The following MEGF10 variants were observed in gnomAD, a reference collection of about 807,000 sequenced individuals.
MEGF10 encodes multiple epidermal growth factor-like domains protein 10.
Under a neutral mutation model 147.5 loss-of-function variants are expected in MEGF10, and 86 were observed. The observed-to-expected ratio is 0.58, with a 90% CI of 0.49 to 0.70. MEGF10 has a LOEUF of 0.70. MEGF10 is among the 30% of genes least tolerant of loss of function. The probability of loss-of-function intolerance (pLI) is 0.00; values close to 1 mark genes in which losing one functional copy is unlikely to be tolerated. For synonymous variants in MEGF10, 478 were observed against 525.5 expected, an observed-to-expected ratio of 0.91 and a Z score of 1.24; for missense variants, 1,329 against 1,487.3, an observed-to-expected ratio of 0.89 and a Z score of 1.75.
upstream of MEGF10, among the ~76,000 whole-genome samples, chr5:127,287,071 T>A (rs906293773): frequency 3.3e-5 from 5 of 151,970 alleles, no homozygotes; most frequent in African/African-American, 1.2e-4. Context: ...GAAAAACATT[T>A]GACAAAATTA....
At position 127,396,686 on chromosome 5, in the gene MEGF10, C is replaced by T. The variant is rs761893435; in HGVS notation, c.567C>T (p.Asn189=). 3.3e-5 allele frequency: 53 copies of T among 1,614,002 alleles called. No individual in the cohort carries two copies. Among genetic ancestry groups the T allele is most frequent in the East Asian group, 8.9e-5 (4 of 44,898 alleles). The change falls in exon 6 of 25, where the codon AAC becomes AAT. Residue 189 remains asparagine (N), a synonymous_variant. Coordinates refer to ENST00000503335, the MANE Select transcript of MEGF10 (RefSeq NM_001256545.2). ...EDRCEQGTYG[N]DCHQRCQCQN... ...GCTGTGAGCAGGGCACCTATGGTAA[C>T]GACTGTCATCAGAGATGCCAGTGCC...
intron 1 of MEGF10, among the ~76,000 whole-genome samples, chr5:127,329,848 A>G (rs1761184130): frequency 6.6e-6 from 1 of 152,158 alleles, no homozygotes; most frequent in Non-Finnish European, 1.5e-5. Flanking sequence ...TTTCCTTCTT[A>G]CTAAATTCCA....
intron 5 of MEGF10, among the ~76,000 whole-genome samples, chr5:127,385,254 A>G (rs1763387263): frequency 6.6e-6 from 1 of 152,166 alleles, no homozygotes; most frequent in African/African-American, 2.4e-5. Flanking sequence ...ATATATTGTC[A>G]AGTCAGTATA....
intron 18 of MEGF10, among the ~76,000 whole-genome samples, chr5:127,441,414 A>G (rs896401030): frequency 6.6e-6 from 1 of 152,168 alleles, no homozygotes; most frequent in African/African-American, 2.4e-5. Context: ...CAGACAACAT[A>G]CTGCCTTAAA....
chr5:127,286,916 A>G (rs1306711244), upstream of MEGF10, among the ~76,000 whole-genome samples: 1 of 151,934 alleles, frequency 6.6e-6, no homozygotes, highest in African/African-American at 2.4e-5. Context: ...ATTTTAGCAA[A>G]TCAAATCCAA....
intron 4 of MEGF10, among the ~76,000 whole-genome samples, chr5:127,368,325 A>G (rs1366881328): frequency 6.6e-6 from 1 of 152,182 alleles, no homozygotes; most frequent in Non-Finnish European, 1.5e-5. Context: ...CAGGGTCCCA[A>G]GGTCACCAGT....
At chr5:127,415,253 C>T (rs948380811) in intron 9 of MEGF10, among the ~76,000 whole-genome samples, 11 of 152,076 alleles carry the variant, frequency 7.2e-5, no homozygotes, top group African/African-American at 2.4e-4. Context: ...CTGGTTTAGG[C>T]CTGTTGTCCT....
intron 13 of MEGF10, among the ~76,000 whole-genome samples, chr5:127,427,501 G>T (rs1476990082): frequency 6.6e-6 from 1 of 151,994 alleles, no homozygotes; most frequent in Non-Finnish European, 1.5e-5. Flanking sequence ...GCTCATCTGA[G>T]CCCAGCCAGG....
chr5:127,322,074 C>CAA lies in MEGF10; in HGVS notation c.-18-9205_-18-9204dup, dbSNP rs5871248. On this transcript the variant is annotated intron_variant, in intron 1 of 24. Coordinates refer to ENST00000503335, the MANE Select transcript of MEGF10 (RefSeq NM_001256545.2). ...TCAGCTTCTTCAATTAGCGCTTTTG[C>CAA]AAAAAAAAAAAAATAATAATGCTTT... 5.4e-3 allele frequency among the ~76,000 whole-genome samples: 706 copies of CAA among 131,776 alleles called. 5 individuals carry two copies. The highest frequency in any genetic ancestry group is 0.011 in the African/African-American group (390 of 35,508). 86.5% of individuals were successfully genotyped at this position (131,776 alleles called of 152,430 possible). A position where few individuals can be genotyped will look rare whatever the true frequency, so the allele number is the denominator to read the frequency against.
At chr5:127,406,052 G>A (rs1004780174) in intron 8 of MEGF10, among the ~76,000 whole-genome samples, 4 of 152,064 alleles carry the variant, frequency 2.6e-5, no homozygotes, top group African/African-American at 7.2e-5. Context: ...TTGGGGTAAG[G>A]GAGACACAAG....
At chr5:127,417,971 A>T (rs1376447185) in intron 10 of MEGF10, among the ~76,000 whole-genome samples, 159 bp downstream of exon 10, 3 of 152,242 alleles carry the variant, frequency 2.0e-5, no homozygotes, top group African/African-American at 4.8e-5. Context: ...GCTAATAGAG[A>T]TATAAGGAAT....
the MEGF10 span, among the ~76,000 whole-genome samples, chr5:127,256,375 T>C: frequency 6.6e-6 from 1 of 152,326 alleles, no homozygotes; most frequent in East Asian, 1.9e-4. Flanking sequence ...CATACACAGT[T>C]TTTTACAACA....
At chr5:127,358,006 C>T (rs1057342550) in intron 4 of MEGF10, among the ~76,000 whole-genome samples, 66 of 152,110 alleles carry the variant, frequency 4.3e-4, no homozygotes, top group African/African-American at 1.6e-3. Context: ...GTTTGTGTTC[C>T]CTGGTTTTGG....
At chr5:127,339,698 G>A (rs1459360453) in intron 3 of MEGF10, among the ~76,000 whole-genome samples, 1 of 151,996 alleles carries the variant, frequency 6.6e-6, no homozygotes, top group Non-Finnish European at 1.5e-5. Context: ...AATATAGAAG[G>A]GAACTCTGAT....
chr5:127,417,594 T>C, intron 9 of MEGF10, 44 bp from the exon 10 acceptor site: 3 of 1,602,922 alleles, frequency 1.9e-6, no homozygotes, highest in Non-Finnish European at 1.7e-6. Flanking sequence ...TTGGGTGTCA[T>C]GTTTACCCCA....
At chr5:127,368,844 A>G (rs1251280846) in intron 4 of MEGF10, among the ~76,000 whole-genome samples, 2 of 152,178 alleles carry the variant, frequency 1.3e-5, no homozygotes, top group African/African-American at 4.8e-5. Flanking sequence ...TATTACTGCC[A>G]TTATATTAAG....
chr5:127,246,626 G>A, the MEGF10 span, among the ~76,000 whole-genome samples: 7,898 of 150,886 alleles, frequency 0.052, 371 homozygotes, highest in African/African-American at 0.12. Flanking sequence ...GGTGAGCAAT[G>A]AAAACTTAGA....
At chr5:127,381,217 G>T (rs756657103) in intron 5 of MEGF10, among the ~76,000 whole-genome samples, 6 of 152,166 alleles carry the variant, frequency 3.9e-5, no homozygotes, top group Non-Finnish European at 8.8e-5. Flanking sequence ...CAAATGAACA[G>T]TAAGAAATTA....
intron 5 of MEGF10, among the ~76,000 whole-genome samples, chr5:127,391,102 G>GCACA (rs70997334): frequency 0.027 from 1,454 of 53,768 alleles, 23 homozygotes; most frequent in South Asian, 0.059. Flanking sequence ...GCGCGCGCGC[G>GCACA]CACACACACA....
Sources: allele counts gnomAD v4.1 joint callset (sites outside exome capture counted in the v4.1 genomes callset), GRCh38; gene constraint gnomAD v4.1.1; transcripts MANE v1.5; gene names NCBI Gene and HGNC (gene_info 2026-07-23, HGNC 2026-07-21).